The following PIK3CD variants were observed in gnomAD, a reference collection of about 807,000 sequenced individuals.
PIK3CD encodes phosphatidylinositol-4,5-bisphosphate 3-kinase catalytic subunit delta.
A neutral mutation model predicts 122.9 loss-of-function variants in PIK3CD; 20 were observed. The ratio of observed to expected loss-of-function variants is 0.16; its 90% CI spans 0.11 to 0.24. The LOEUF (loss-of-function observed/expected upper bound fraction) is 0.24. Among genes scored for constraint, PIK3CD ranks in the 10% least tolerant of loss-of-function variants. The pLI is 1.00. For synonymous variants in PIK3CD, 596 were observed against 593.4 expected (o/e 1.00, Z -0.06); for missense variants, 787 against 1,406.3 (o/e 0.56, Z 7.04).
chr1:9,687,574 A>C (rs1373085958), intron 1 of PIK3CD: 3 of 141,598 alleles, frequency 2.1e-5, no homozygotes, highest in Admixed American at 2.1e-4. Context: ...GGAGGGAGAG[A>C]TGGGAGGGCG....
intron 2 of PIK3CD, among the ~76,000 whole-genome samples, chr1:9,694,672 A>G (rs1440539188): frequency 1.3e-5 from 2 of 152,192 alleles, no homozygotes; most frequent in South Asian, 2.1e-4. Flanking sequence ...ACATGGAATG[A>G]GATTTACAGG....
chr1:9,629,253 C>T, the PIK3CD span, among the ~76,000 whole-genome samples: 3 of 152,042 alleles, frequency 2.0e-5, no homozygotes, highest in South Asian at 4.1e-4. Context: ...TGGTGCCCTC[C>T]CTCTGCGGTT....
chr1:9,631,983 C>CACTT, the PIK3CD span, among the ~76,000 whole-genome samples: 2 of 148,960 alleles, frequency 1.3e-5, no homozygotes, highest in Non-Finnish European at 3.0e-5. Context: ...CTCCCTCCCT[C>CACTT]CCTTCCTTCC....
At chr1:9,649,101 CAACA>C (rs57842154), upstream of PIK3CD, among the ~76,000 whole-genome samples, 8 of 149,742 alleles carry the variant, frequency 5.3e-5, no homozygotes, top group African/African-American at 9.9e-5. Flanking sequence ...GACCCTGTCT[CAACA>C]AACAAACAAA....
chr1:9,637,154 C>T, the PIK3CD span, among the ~76,000 whole-genome samples: 1 of 152,182 alleles, frequency 6.6e-6, no homozygotes, highest in Admixed American at 6.5e-5. Flanking sequence ...GTCTTGGCCT[C>T]CCAAAGTGCT....
chr1:9,673,404 C>A (rs993979836), intron 1 of PIK3CD, among the ~76,000 whole-genome samples: 1 of 152,020 alleles, frequency 6.6e-6, no homozygotes, highest in African/African-American at 2.4e-5. Flanking sequence ...GGATTACAGT[C>A]GTGCACAACG....
chr1:9,644,727 G>A, the PIK3CD span, among the ~76,000 whole-genome samples: 3 of 152,052 alleles, frequency 2.0e-5, no homozygotes, highest in Non-Finnish European at 4.4e-5. Context: ...AAATGAACTA[G>A]TTGCAGTGGA....
intron 1 of PIK3CD, among the ~76,000 whole-genome samples, chr1:9,679,985 G>A (rs1434184087): frequency 1.3e-5 from 2 of 151,658 alleles, no homozygotes; most frequent in African/African-American, 4.8e-5. Context: ...CCACCACACC[G>A]GGCTACTTTA....
rs1265150154 is a variant in PIK3CD at position 9,727,735 on chromosome 1, A to G, written c.*689A>G. 2 of 209,604 alleles carry G rather than the reference A, an allele frequency of 9.5e-6. No individual in the cohort carries two copies. Among genetic ancestry groups the G allele is most frequent in the Non-Finnish European group, 1.9e-5 (2 of 103,226 alleles). The allele number at this position is 209,604 out of a possible 1,614,324, so 13.0% of individuals were successfully genotyped here. ...GACGTGTTAAAGAGATCTGGGCCTC[A>G]TGTAGCTCACCCCGGTCACGCATGA... is the stretch of plus-strand genomic sequence containing the variant. On this transcript the variant is annotated 3_prime_UTR_variant, in exon 24 of 24. Transcript: ENST00000377346.
intron 2 of PIK3CD, among the ~76,000 whole-genome samples, chr1:9,709,721 T>A (rs1467237244): frequency 6.6e-6 from 1 of 150,740 alleles, no homozygotes; most frequent in Admixed American, 6.6e-5. Flanking sequence ...AAAATCTATT[T>A]CACAGCTGGG....
chr1:9,710,273 T>C lies in PIK3CD; in HGVS notation c.-32-151T>C. On this transcript the variant is annotated intron_variant, in intron 2 of 23. Transcript: ENST00000377346. This position sits in a 1 kb window ranked among gnomAD's most constrained non-coding sequence, Gnocchi z 4.7. ...AGCCACCCTGGGCAGGACGAGGCCC[T>C]GAGGGAGGTGAGCTTTTTGTACCCG... 2 of 687,162 alleles carry C rather than the reference T, an allele frequency of 2.9e-6. No homozygotes were observed. The highest frequency in any genetic ancestry group is 3.9e-4 in the Middle Eastern group (1 of 2,538). 42.6% of individuals were successfully genotyped at this position (687,162 alleles called of 1,614,324 possible).
chr1:9,668,694 A>AT (rs142543392), intron 1 of PIK3CD, among the ~76,000 whole-genome samples: 5 of 151,904 alleles, frequency 3.3e-5, no homozygotes, highest in African/African-American at 1.2e-4. Context: ...CTCAAGATTG[A>AT]TTTTGTTTTA....
intron 1 of PIK3CD, among the ~76,000 whole-genome samples, chr1:9,683,124 CAA>C (rs756702134): frequency 7.1e-5 from 5 of 70,460 alleles, no homozygotes; most frequent in Non-Finnish European, 1.2e-4. Context: ...GACATTGTCT[CAA>C]AAAAAAAAAA....
intron 3 of PIK3CD, among the ~76,000 whole-genome samples, chr1:9,714,909 A>G (rs1647215733): frequency 6.6e-6 from 1 of 151,998 alleles, no homozygotes; most frequent in African/African-American, 2.4e-5. Flanking sequence ...AGTGGCTCAC[A>G]CCTGTAATCC....
chr1:9,632,075 C>T, the PIK3CD span, among the ~76,000 whole-genome samples: 100,681 of 150,808 alleles, frequency 0.67, 34,587 homozygotes, highest in Non-Finnish European at 0.74. Flanking sequence ...TGCAATGGTG[C>T]GATCTCAGCT....
chr1:9,724,311 T>C lies in PIK3CD; in HGVS notation c.2754T>C (p.Asn918=), dbSNP rs143846503. The change falls in exon 22 of 24, where the codon AAT becomes AAC. Residue 918 remains asparagine, a synonymous_variant. Transcript: ENST00000377346. The surrounding 1 kb of genome is among the most constrained non-coding windows in gnomAD (Gnocchi z 7.3). ...TTGATTTTGGCCACTTTCTGGGGAA[T>C]TTCAAGACCAAGTTTGGAATCAACC... is the stretch of plus-strand genomic sequence containing the variant. ...FHIDFGHFLG[N]FKTKFGINRE... The C allele has an allele frequency of 1.4e-5, 23 of 1,614,192 alleles. No homozygotes were observed. Among genetic ancestry groups the C allele is most frequent in the Middle Eastern group, 3.3e-4 (2 of 6,062 alleles).
intron 2 of PIK3CD, among the ~76,000 whole-genome samples, chr1:9,692,518 A>T (rs1646236253): frequency 6.6e-6 from 1 of 151,632 alleles, no homozygotes; most frequent in African/African-American, 2.4e-5. Context: ...CGAGGTCAGG[A>T]GTTCGAGACC....
intron 14 of PIK3CD, 35 bp from the exon 15 acceptor site, chr1:9,721,409 G>T: frequency 6.2e-7 from 1 of 1,612,178 alleles, no homozygotes; most frequent in Middle Eastern, 1.7e-4. Context: ...CCTGAGTCGG[G>T]GAGCTCCAGG....
chr1:9,632,861 CT>C, the PIK3CD span, among the ~76,000 whole-genome samples: 841 of 128,510 alleles, frequency 6.5e-3, 7 homozygotes, highest in African/African-American at 7.5e-3. Flanking sequence ...CAACCTGATT[CT>C]TTTTTTTTTT....
Sources: gnomAD v4.1 joint callset for allele counts (sites outside exome capture counted in the v4.1 genomes callset) on GRCh38, gnomAD v4.1.1 for gene constraint, Gnocchi (gnomAD v3.1) non-coding constraint, MANE v1.5 for transcripts, NCBI Gene and HGNC (gene_info 2026-07-23, HGNC 2026-07-21) for gene names.